The following RIC1 variants were observed in gnomAD, a reference collection of about 807,000 sequenced individuals.
RIC1 encodes guanine nucleotide exchange factor subunit RIC1.
Under a neutral mutation model 169.0 loss-of-function variants are expected in RIC1, and 88 were observed. The observed-to-expected ratio is 0.52, with a 90% CI of 0.44 to 0.62. The LOEUF is 0.62. Among genes scored for constraint, RIC1 ranks in the 20% least tolerant of loss-of-function variants. The pLI, the probability that RIC1 is intolerant of heterozygous loss-of-function variation, is 0.00. For missense variants in RIC1, 1,877 were observed against 1,725.5 expected, an observed-to-expected ratio of 1.09 and a Z score of -1.56; for synonymous variants, 790 against 601.5, an observed-to-expected ratio of 1.31 and a Z score of -4.59.
chr9:5,763,418 C>T lies in RIC1; in HGVS notation c.2391C>T (p.Leu797=). The T allele has an allele frequency of 6.2e-7, 1 of 1,614,182 alleles. No homozygotes were observed. The highest frequency in any genetic ancestry group is 8.5e-7 in the Non-Finnish European group (1 of 1,180,026). ...LVLGAVNDTL[L]YDSLYTRNNA... ...TTGGTGCTGTCAATGACACTTTGCT[C>T]TATGATTCTTTATATACTCGGAACA... The change falls in exon 19 of 26, where the codon CTC becomes CTT. Residue 797 remains leucine, a synonymous_variant. Coordinates refer to ENST00000414202, the MANE Select transcript of RIC1 (RefSeq NM_020829.4). This position sits in a 1 kb window ranked among gnomAD's most constrained non-coding sequence, Gnocchi z 5.2.
intron 2 of RIC1, among the ~76,000 whole-genome samples, chr9:5,657,103 C>A (rs140267273): frequency 6.7e-4 from 102 of 152,214 alleles, no homozygotes; most frequent in Non-Finnish European, 1.2e-3. Flanking sequence ...CTGTTTTGTC[C>A]TTGAAGTCTT....
intron 8 of RIC1, among the ~76,000 whole-genome samples, chr9:5,741,557 C>A (rs1367270993): frequency 2.6e-5 from 4 of 152,084 alleles, no homozygotes; most frequent in Non-Finnish European, 5.9e-5. Context: ...CTGATCCTCT[C>A]CAGTTATGCC....
intron 1 of RIC1, among the ~76,000 whole-genome samples, chr9:5,637,091 C>G (rs1043358659): frequency 4.6e-5 from 7 of 152,036 alleles, no homozygotes. Flanking sequence ...CAGGGTTTCA[C>G]TTCAGTTGCC....
Position 5,756,277 on chromosome 9 carries a change from A to G in RIC1, c.1758A>G (p.Ala586=). 6.2e-7 allele frequency: 1 copy of G among 1,606,458 alleles called. No individual in the cohort carries two copies. The highest frequency in any genetic ancestry group is 8.5e-7 in the Non-Finnish European group (1 of 1,175,168). ...TTGCTCATGTCACCAAAGCACAAGC[A>G]GAAACATTACTGCTTAGTGTCTTCC... ...NAFAHVTKAQ[A]ETLLLSVFQD... Residue 586 remains alanine, a synonymous_variant, in exon 16 of 26, where the codon GCA becomes GCG. Coordinates refer to ENST00000414202, the MANE Select transcript of RIC1 (RefSeq NM_020829.4).
intron 5 of RIC1, 47 bp downstream of exon 5, chr9:5,720,371 A>G (rs762822177): frequency 1.3e-6 from 2 of 1,549,842 alleles, no homozygotes; most frequent in Non-Finnish European, 1.8e-6. Flanking sequence ...TTAATGTTTG[A>G]TGTCTAGTTA....
chr9:5,742,530 T>C (rs1334220665), intron 8 of RIC1, among the ~76,000 whole-genome samples: 1 of 152,164 alleles, frequency 6.6e-6, no homozygotes, highest in Non-Finnish European at 1.5e-5. Context: ...AGACAGCTTT[T>C]ACTGTAACCT....
chr9:5,724,187 A>C (rs1212595140), intron 6 of RIC1, among the ~76,000 whole-genome samples: 1 of 152,240 alleles, frequency 6.6e-6, no homozygotes, highest in Non-Finnish European at 1.5e-5. Flanking sequence ...CTTCCTATCC[A>C]TGAGCATGGA....
chr9:5,649,295 G>C (rs904803587), intron 1 of RIC1, among the ~76,000 whole-genome samples: 4 of 152,104 alleles, frequency 2.6e-5, no homozygotes, highest in African/African-American at 7.2e-5. Flanking sequence ...TTCTTTTTCT[G>C]CTCCTTTGAT....
At chr9:5,711,737 C>T (rs1233056353) in intron 3 of RIC1, among the ~76,000 whole-genome samples, 7 of 152,110 alleles carry the variant, frequency 4.6e-5, no homozygotes, top group Admixed American at 4.6e-4. Context: ...GCCCCCACCC[C>T]ACAACAGGAC....
intron 8 of RIC1, among the ~76,000 whole-genome samples, chr9:5,742,158 C>T (rs981138640): frequency 1.3e-5 from 2 of 152,130 alleles, no homozygotes; most frequent in African/African-American, 2.4e-5. Flanking sequence ...TTCTCATTCT[C>T]TCTTATACCA....
chr9:5,680,532 C>G (rs996196636), intron 2 of RIC1, among the ~76,000 whole-genome samples: 3 of 152,090 alleles, frequency 2.0e-5, no homozygotes, highest in Non-Finnish European at 2.9e-5. Flanking sequence ...TGTTATTGGT[C>G]TATTCAGAGA....
chr9:5,633,333 T>G (rs1382260520), intron 1 of RIC1, among the ~76,000 whole-genome samples: 1 of 150,808 alleles, frequency 6.6e-6, no homozygotes, highest in Non-Finnish European at 1.5e-5. Flanking sequence ...CAGAGAGCCT[T>G]CTTTATAAAT....
Position 5,772,966 on chromosome 9 carries a change from C to G in RIC1, c.3869C>G (p.Ser1290Cys). 1 of 1,613,608 alleles carries G rather than the reference C, an allele frequency of 6.2e-7. No homozygotes were observed. Residue 1290 changes from serine (S) to cysteine (C), a missense_variant, in exon 25 of 26, where the codon TCC becomes TGC. Ser to Cys is a moderately radical substitution (Grantham distance 112). This residue lies in a region of RIC1 where 681 missense variants were observed against 582.0 expected (regional missense o/e 1.17). Transcript: ENST00000414202. ...GTTATAGGCCTGATTCTTAGAGAAT[C>G]CTCAATAATCAATCAGATTTTGGTT... Reference protein sequence around the residue: ...CIVIGLILRESSIINQILVIT... With the variant: ...CIVIGLILRECSIINQILVIT...
intron 2 of RIC1, among the ~76,000 whole-genome samples, chr9:5,673,644 T>G (rs1478736212): frequency 6.6e-6 from 1 of 150,458 alleles, no homozygotes; most frequent in Non-Finnish European, 1.5e-5. Context: ...CTTCCATACT[T>G]TGGAATATCA....
At chr9:5,687,778 G>A (rs1821341342) in intron 2 of RIC1, among the ~76,000 whole-genome samples, 1 of 152,114 alleles carries the variant, frequency 6.6e-6, no homozygotes, top group Non-Finnish European at 1.5e-5. Flanking sequence ...TTTAAGTGAA[G>A]CAAATGAAAT....
chr9:5,778,253 T>C (rs937399328), downstream of RIC1, among the ~76,000 whole-genome samples: 31 of 152,358 alleles, frequency 2.0e-4, no homozygotes, highest in African/African-American at 7.0e-4. Flanking sequence ...CTTCTGTATA[T>C]TGACATTGCA....
intron 6 of RIC1, among the ~76,000 whole-genome samples, chr9:5,730,145 C>G (rs1245981288): frequency 6.6e-6 from 1 of 152,150 alleles, no homozygotes; most frequent in African/African-American, 2.4e-5. Context: ...AGGGAAATAA[C>G]TAAATGACAT....
intron 2 of RIC1, among the ~76,000 whole-genome samples, chr9:5,657,565 A>C (rs1178734338): frequency 6.6e-6 from 1 of 152,134 alleles, no homozygotes; most frequent in Admixed American, 6.5e-5. Context: ...AGTGTATATT[A>C]GAGAGATAAG....
chr9:5,709,148 C>A (rs1822777521), intron 3 of RIC1, among the ~76,000 whole-genome samples: 1 of 152,010 alleles, frequency 6.6e-6, no homozygotes, highest in East Asian at 1.9e-4. Context: ...AGAAATGACA[C>A]AAATCACTTC....
Sources: allele counts gnomAD v4.1 joint callset (sites outside exome capture counted in the v4.1 genomes callset), GRCh38; gene constraint gnomAD v4.1.1; regional missense constraint gnomAD v4.1.1; non-coding constraint Gnocchi (gnomAD v3.1); transcripts MANE v1.5; gene names NCBI Gene and HGNC (gene_info 2026-07-23, HGNC 2026-07-21).